Variants in ITGAV observed in about 807,000 individuals in gnomAD.
ITGAV encodes integrin alpha-V.
A neutral mutation model predicts 143.8 loss-of-function variants in ITGAV; 76 were observed. That is an observed-to-expected ratio of 0.53 (90% CI 0.44 to 0.64). ITGAV has a LOEUF of 0.64. Ranked by LOEUF, ITGAV falls within the 30% of genes least tolerant of loss-of-function variation. The probability of loss-of-function intolerance (pLI) is 0.00; values close to 1 mark genes in which losing one functional copy is unlikely to be tolerated. For synonymous variants in ITGAV, 453 were observed against 446.7 expected, an observed-to-expected ratio of 1.01 and a Z score of -0.18; for missense variants, 1,193 against 1,274.7, an observed-to-expected ratio of 0.94 and a Z score of 0.98.
At chr2:186,639,256 A>G (rs886343038) in intron 10 of ITGAV, among the ~76,000 whole-genome samples, 4 of 152,222 alleles carry the variant, frequency 2.6e-5, no homozygotes, top group African/African-American at 9.6e-5. Flanking sequence ...ACATTTAAAC[A>G]GTAGGTAGAG....
chr2:186,603,700 C>CTTAA (rs1292216642), intron 2 of ITGAV, among the ~76,000 whole-genome samples: 1 of 152,160 alleles, frequency 6.6e-6, no homozygotes, highest in Non-Finnish European at 1.5e-5. Flanking sequence ...TGTTTCTGTA[C>CTTAA]TTAACACTGT....
chr2:186,634,709 T>C (rs1426694814), intron 6 of ITGAV, among the ~76,000 whole-genome samples: 4 of 152,200 alleles, frequency 2.6e-5, no homozygotes, highest in Non-Finnish European at 4.4e-5. Context: ...AATAAAATGA[T>C]TTAGAAAAAT....
At chr2:186,655,598 G>A (rs1203539057) in intron 16 of ITGAV, among the ~76,000 whole-genome samples, 2 of 152,160 alleles carry the variant, frequency 1.3e-5, no homozygotes, top group African/African-American at 2.4e-5. Context: ...AGAAACTTGC[G>A]ACGCGAATTC....
chr2:186,599,444 A>G (rs2105651571), intron 1 of ITGAV, among the ~76,000 whole-genome samples: 1 of 152,308 alleles, frequency 6.6e-6, no homozygotes, highest in East Asian at 1.9e-4. Flanking sequence ...TATCTCAAAC[A>G]AACATATTAA....
At position 186,644,170 on chromosome 2, in the gene ITGAV, CT is replaced by C. The variant is rs565105662; in HGVS notation, c.1160-2515del. Among the ~76,000 whole-genome samples the C allele has an allele frequency of 9.6e-3, 1,466 of 152,174 alleles. 21 individuals carry two copies. Among genetic ancestry groups the C allele is most frequent in the African/African-American group, 0.034 (1,394 of 41,518 alleles). On this transcript the variant is annotated intron_variant, in intron 12 of 29. Coordinates refer to ENST00000261023, the MANE Select transcript of ITGAV (RefSeq NM_002210.5). ...TGTTGCCAAAACTGGTCTCAAACTCCTGGGCTTAAGTGATCTGCCTGCCTCG... is the reference window on the plus strand; with the variant it reads ...TGTTGCCAAAACTGGTCTCAAACTCCGGGCTTAAGTGATCTGCCTGCCTCG...
At chr2:186,609,334 G>A (rs1333759617) in intron 2 of ITGAV, among the ~76,000 whole-genome samples, 4 of 152,078 alleles carry the variant, frequency 2.6e-5, no homozygotes, top group Admixed American at 2.0e-4. Flanking sequence ...TGCTTGTCAC[G>A]TGCATTAAGA....
chr2:186,638,642 G>T (rs1266868361), intron 10 of ITGAV, among the ~76,000 whole-genome samples, 177 bp downstream of exon 10: 1 of 147,044 alleles, frequency 6.8e-6, no homozygotes, highest in East Asian at 1.9e-4. Flanking sequence ...GTGTGTGTGT[G>T]TGTGTGTGTG....
intron 13 of ITGAV, among the ~76,000 whole-genome samples, chr2:186,647,888 G>A (rs1688306251): frequency 6.6e-6 from 1 of 152,166 alleles, no homozygotes; most frequent in African/African-American, 2.4e-5. Flanking sequence ...GACATGAAGT[G>A]GATTCTCATA....
At chr2:186,593,079 G>GA (rs545581296) in intron 1 of ITGAV, among the ~76,000 whole-genome samples, 1 of 151,962 alleles carries the variant, frequency 6.6e-6, no homozygotes, top group African/African-American at 2.4e-5. Flanking sequence ...ACTTTTAAAA[G>GA]AAAAAAAGCC....
At chr2:186,668,589 T>G in intron 24 of ITGAV, 173 bp from the exon 25 acceptor site, 1 of 590,012 alleles carries the variant, frequency 1.7e-6, no homozygotes, top group East Asian at 3.0e-5. Context: ...GAGACAAATG[T>G]TGAGTTTGAT....
At chr2:186,668,135 T>G (rs1455726642) in intron 24 of ITGAV, 3 of 137,208 alleles carry the variant, frequency 2.2e-5, no homozygotes, top group African/African-American at 8.0e-5. Context: ...TTCTTTGTCA[T>G]CCTTCATTAA....
intron 17 of ITGAV, among the ~76,000 whole-genome samples, chr2:186,656,669 G>A (rs1022543298): frequency 1.3e-5 from 2 of 151,818 alleles, no homozygotes; most frequent in Non-Finnish European, 2.9e-5. Flanking sequence ...TTTCAAGACA[G>A]TAAAAGAAAT....
rs1250065181 is a variant in ITGAV at position 186,590,321 on chromosome 2, C to T, written c.-18C>T. 8 of 1,557,594 alleles carry T rather than the reference C, an allele frequency of 5.1e-6. No homozygotes were observed. The highest frequency in any genetic ancestry group is 5.2e-6 in the Non-Finnish European group (6 of 1,155,756). ...GTGGCTACCGCTCCCGGCTTGGCGTCCCGCGCGCACTTCGGCGATGGCTTT... is the reference window on the plus strand; with the variant it reads ...GTGGCTACCGCTCCCGGCTTGGCGTTCCGCGCGCACTTCGGCGATGGCTTT... On this transcript the variant is annotated 5_prime_UTR_variant, in exon 1 of 30. Transcript: ENST00000261023.
intron 26 of ITGAV, among the ~76,000 whole-genome samples, 194 bp from the exon 27 acceptor site, chr2:186,675,410 G>A (rs1166670306): frequency 6.6e-6 from 1 of 152,022 alleles, no homozygotes; most frequent in African/African-American, 2.4e-5. Context: ...AGAAGAAAAA[G>A]AAAAGAAACA....
intron 2 of ITGAV, among the ~76,000 whole-genome samples, chr2:186,611,111 A>C (rs1028948467): frequency 1.8e-4 from 28 of 152,072 alleles, no homozygotes; most frequent in Non-Finnish European, 3.5e-4. Flanking sequence ...CTTATCTTCA[A>C]AGCCAGCAAT....
At chr2:186,638,569 C>T (rs765633853) in intron 10 of ITGAV, 104 bp downstream of exon 10, 36 of 792,992 alleles carry the variant, frequency 4.5e-5, no homozygotes, top group Non-Finnish European at 6.9e-5. Flanking sequence ...ATAATCTCAT[C>T]AAATAGATAA....
chr2:186,676,054 T>C, intron 28 of ITGAV, 127 bp downstream of exon 28: 1 of 629,078 alleles, frequency 1.6e-6, no homozygotes, highest in Non-Finnish European at 2.8e-6. Flanking sequence ...AGTTATATGA[T>C]AGCATTATAA....
intron 1 of ITGAV, among the ~76,000 whole-genome samples, chr2:186,601,630 C>T (rs1424256866): frequency 6.6e-6 from 1 of 151,596 alleles, no homozygotes; most frequent in Non-Finnish European, 1.5e-5. Context: ...AATTCTCTCA[C>T]ACACGCACAT....
intron 13 of ITGAV, among the ~76,000 whole-genome samples, chr2:186,647,445 A>G (rs1688294141): frequency 1.3e-5 from 2 of 152,172 alleles, no homozygotes; most frequent in African/African-American, 4.8e-5. Flanking sequence ...CATGTTGCCC[A>G]GGCTGGTCTT....
Sources: allele counts gnomAD v4.1 joint callset (sites outside exome capture counted in the v4.1 genomes callset), GRCh38; gene constraint gnomAD v4.1.1; transcripts MANE v1.5; gene names NCBI Gene and HGNC (gene_info 2026-07-23, HGNC 2026-07-21).